AKR1B10: variants seen among roughly 807,000 people sequenced by gnomAD.
AKR1B10 encodes the protein aldo-keto reductase family 1 member B10.
AKR1B10 carries 39 observed loss-of-function variants against 38.9 expected under a neutral mutation model. That is an observed-to-expected ratio of 1.00 (90% CI 0.78 to 1.31). AKR1B10 has a LOEUF of 1.31. AKR1B10 is among the 50% of genes most tolerant of loss of function. The probability of loss-of-function intolerance (pLI) is 0.00; values close to 1 mark genes in which losing one functional copy is unlikely to be tolerated. For synonymous variants in AKR1B10, 148 were observed against 141.2 expected (o/e 1.05, Z -0.34); for missense variants, 361 against 382.6 (o/e 0.94, Z 0.47).
intron 4 of AKR1B10, among the ~76,000 whole-genome samples, chr7:134,535,063 T>A (rs1293953830): frequency 6.6e-6 from 1 of 152,066 alleles, no homozygotes; most frequent in African/African-American, 2.4e-5. Context: ...CATAGTTTAG[T>A]GCAGCCTCGG....
In AKR1B10 at chr7:134,531,982, C is replaced by T. The variant is rs150425053; in HGVS notation, c.309C>T (p.Ser103=). Residue 103 remains serine (S), a synonymous_variant, in exon 3 of 10, where the codon AGC becomes AGT. Transcript: ENST00000359579. The part of the protein sequence containing the change: ...FEKTLKDLKL[S]YLDVYLIHWP... ...AGACCCTCAAGGACCTGAAGCTGAG[C>T]TATCTGGACGTCTATCTTATTCACT... 5.8e-5 allele frequency: 94 copies of T among 1,614,014 alleles called. 1 individual carries two copies. The highest frequency in any genetic ancestry group is 7.5e-5 in the Non-Finnish European group (89 of 1,179,990).
At chr7:134,534,679 C>A (rs1347283196) in intron 4 of AKR1B10, among the ~76,000 whole-genome samples, 2 of 152,202 alleles carry the variant, frequency 1.3e-5, no homozygotes, top group East Asian at 3.8e-4. Flanking sequence ...AGAAACCTCA[C>A]TGACCACATT....
At chr7:134,536,433 T>A (rs1462777404) in intron 4 of AKR1B10, among the ~76,000 whole-genome samples, 1 of 152,226 alleles carries the variant, frequency 6.6e-6, no homozygotes, top group African/African-American at 2.4e-5. Context: ...AATCTTTACC[T>A]GTTACTCCTA....
intron 8 of AKR1B10, 84 bp from the exon 9 acceptor site, chr7:134,538,851 C>T (rs1434992953): frequency 1.7e-5 from 26 of 1,496,816 alleles, no homozygotes; most frequent in Middle Eastern, 1.7e-4. Flanking sequence ...AATGTGAGCT[C>T]CCTCCCTGCT....
intron 4 of AKR1B10, chr7:134,535,611 T>A: frequency 1.1e-6 from 1 of 940,984 alleles, no homozygotes; most frequent in Non-Finnish European, 1.3e-6. Context: ...TTTTTTTTCT[T>A]TTGAGGCCCA....
chr7:134,531,934 C>T lies in AKR1B10; in HGVS notation c.261C>T (p.Pro87=), dbSNP rs374158443. ...TGTGGCCCACTTTCTTTGAGAGACC[C>T]CTTGTGAGGAAAGCCTTTGAGAAGA... ...SKLWPTFFER[P]LVRKAFEKTL... Residue 87 remains proline, a synonymous_variant, in exon 3 of 10, where the codon CCC becomes CCT. Transcript: ENST00000359579. 1.9e-5 allele frequency: 31 copies of T among 1,613,958 alleles called. No individual in the cohort carries two copies. Among genetic ancestry groups the T allele is most frequent in the African/African-American group, 2.7e-5 (2 of 74,906 alleles).
intron 4 of AKR1B10, chr7:134,535,597 T>C (rs75705694): frequency 3.2e-6 from 3 of 940,546 alleles, no homozygotes; most frequent in African/African-American, 1.9e-5. Context: ...TTTTTTTTTT[T>C]TTTTTTTTTT....
chr7:134,537,028 A>G, intron 5 of AKR1B10, 23 bp from the exon 6 acceptor site: 1 of 1,570,480 alleles, frequency 6.4e-7, no homozygotes, highest in Middle Eastern at 1.7e-4. Flanking sequence ...TTTCCCCGTG[A>G]TGAGGATTGT....
intron 2 of AKR1B10, 95 bp downstream of exon 2, chr7:134,530,905 A>G (rs572098788): frequency 1.4e-6 from 2 of 1,471,142 alleles, no homozygotes; most frequent in Non-Finnish European, 1.8e-6. Context: ...CCTTTTCTAC[A>G]TGTACCCCTT....
intron 1 of AKR1B10, among the ~76,000 whole-genome samples, chr7:134,529,274 G>A (rs1387854062): frequency 6.6e-6 from 1 of 152,164 alleles, no homozygotes; most frequent in Non-Finnish European, 1.5e-5. Flanking sequence ...GTATCTGGAG[G>A]AACAGATCAC....
intron 3 of AKR1B10, among the ~76,000 whole-genome samples, chr7:134,532,770 G>A (rs1473329517): frequency 6.6e-6 from 1 of 152,122 alleles, no homozygotes; most frequent in African/African-American, 2.4e-5. Context: ...ATGAACTTCT[G>A]GAATGTACTA....
chr7:134,537,588 C>G lies in AKR1B10; in HGVS notation c.668C>G (p.Pro223Arg), dbSNP rs74623569. 7.4e-4 allele frequency: 1,187 copies of G among 1,613,874 alleles called. 15 individuals are homozygous for G. In the African/African-American group the frequency reaches 0.014, roughly 19 times the overall value. ...LGSPDRPWAK[P>R]EDPSLLEDPK... ...CATCTTTCTGCCCCTAGGGCCAAGC[C>G]AGAAGACCCTTCCCTGCTGGAGGAT... The change falls in exon 7 of 10, where the codon CCA becomes CGA. Residue 223 changes from proline to arginine, a missense_variant. Around this residue, in one of 3 missense-constraint regions of AKR1B10, gnomAD observed 132 missense variants for 134.6 expected, o/e 0.98. Coordinates refer to ENST00000359579, the MANE Select transcript of AKR1B10 (RefSeq NM_020299.5).
At chr7:134,540,769 A>G (rs1337826153) in intron 9 of AKR1B10, among the ~76,000 whole-genome samples, 1 of 152,094 alleles carries the variant, frequency 6.6e-6, no homozygotes, top group African/African-American at 2.4e-5. Context: ...TTGGGACAAG[A>G]CTTGTCTGTC....
In AKR1B10 at chr7:134,538,943, C is replaced by T; in HGVS notation, c.834C>T (p.Asp278=). ...AACTCCTACCTTTCCAGGTCTTTGA[C>T]TTTAAATTGAGTGATGAGGAGATGG... The part of the protein sequence containing the change: ...ARIVENIQVF[D]FKLSDEEMAT... The change falls in exon 9 of 10, where the codon GAC becomes GAT. Residue 278 remains aspartate, a synonymous_variant. Transcript: ENST00000359579. The T allele has an allele frequency of 1.2e-6, 2 of 1,614,040 alleles. No homozygotes were observed. The highest frequency in any genetic ancestry group is 4.5e-5 in the East Asian group (2 of 44,846).
Position 134,540,952 on chromosome 7 carries a change from G to T in AKR1B10, c.909-95G>T, listed in dbSNP as rs1585759955. ...GAGGAGGCTAAGAGAGCACAAATATGATAGAGTCCACCAGGGAAGAATACC... is the reference window on the plus strand; with the variant it reads ...GAGGAGGCTAAGAGAGCACAAATATTATAGAGTCCACCAGGGAAGAATACC... On this transcript the variant is annotated intron_variant, in intron 9 of 9. Coordinates refer to ENST00000359579, the MANE Select transcript of AKR1B10 (RefSeq NM_020299.5). 4 of 904,286 alleles carry T rather than the reference G, an allele frequency of 4.4e-6. No homozygotes were observed. The South Asian group carries it at 5.6e-5, about 13-fold the overall frequency. 56.0% of individuals were successfully genotyped at this position (904,286 alleles called of 1,614,324 possible).
chr7:134,530,869 C>A (rs367680534), intron 2 of AKR1B10, 59 bp downstream of exon 2: 59 of 1,553,568 alleles, frequency 3.8e-5, no homozygotes, highest in African/African-American at 2.9e-4. Context: ...GTATCTGGGT[C>A]GGGTTGGCAG....
chr7:134,538,055 A>T, intron 7 of AKR1B10, 139 bp from the exon 8 acceptor site: 2 of 827,872 alleles, frequency 2.4e-6, no homozygotes, highest in Non-Finnish European at 4.1e-6. Context: ...GCACAAGTCT[A>T]ATAGCTGTGA....
chr7:134,537,811 C>G lies in AKR1B10; in HGVS notation c.741+150C>G, dbSNP rs1381358461. On this transcript the variant is annotated intron_variant, in intron 7 of 9. Coordinates refer to ENST00000359579, the MANE Select transcript of AKR1B10 (RefSeq NM_020299.5). Reference sequence around the variant, plus strand: ...TGTTTCCTTTGAAGTCTGTTGGAACCTCTAGGAAACACAAGAGCTGTCACT... The same window carrying G: ...TGTTTCCTTTGAAGTCTGTTGGAACGTCTAGGAAACACAAGAGCTGTCACT... The G allele has an allele frequency of 6.6e-6, 6 of 902,674 alleles. No individual in the cohort carries two copies. In the Admixed American group the frequency reaches 1.4e-4, roughly 21 times the overall value. The allele number at this position is 902,674 out of a possible 1,614,324, so 55.9% of individuals were successfully genotyped here.
intron 4 of AKR1B10, among the ~76,000 whole-genome samples, 159 bp from the exon 5 acceptor site, chr7:134,536,491 A>C (rs1172734287): frequency 6.6e-6 from 1 of 152,152 alleles, no homozygotes; most frequent in Non-Finnish European, 1.5e-5. Context: ...CCAGTCACTG[A>C]TGGGCACCCA....
Sources: allele counts gnomAD v4.1 joint callset (sites outside exome capture counted in the v4.1 genomes callset), GRCh38; gene constraint gnomAD v4.1.1; regional missense constraint gnomAD v4.1.1; transcripts MANE v1.5; gene names NCBI Gene and HGNC (gene_info 2026-07-23, HGNC 2026-07-21).